OR51B5: variants seen among roughly 807,000 people sequenced by gnomAD.
The protein encoded by OR51B5 is olfactory receptor 51B5.
For synonymous variants in OR51B5, 186 were observed against 144.8 expected (o/e 1.28, Z -2.04); for missense variants, 456 against 374.6 (o/e 1.22, Z -1.79).
chr11:5,494,796 G>T (rs1851625225), intron 1 of OR51B5, among the ~76,000 whole-genome samples: 1 of 152,158 alleles, frequency 6.6e-6, no homozygotes, highest in South Asian at 2.1e-4. Flanking sequence ...GCACAGAGCA[G>T]ATGTTTATTA....
At chr11:5,476,983 A>G (rs961535815) in intron 1 of OR51B5, among the ~76,000 whole-genome samples, 1 of 152,222 alleles carries the variant, frequency 6.6e-6, no homozygotes, top group African/African-American at 2.4e-5. Flanking sequence ...CTAAAGATCT[A>G]CTGTACAAAA....
At chr11:5,347,578 G>T (rs991874371), upstream of OR51B5, among the ~76,000 whole-genome samples, 6 of 152,120 alleles carry the variant, frequency 3.9e-5, no homozygotes, top group African/African-American at 1.4e-4. Context: ...GAAATGCAAT[G>T]AGATAAAATA....
intron 1 of OR51B5, among the ~76,000 whole-genome samples, chr11:5,383,101 T>G (rs1849635087): frequency 6.6e-6 from 1 of 152,138 alleles, no homozygotes. Context: ...TATTTTTTTT[T>G]TTCTAAATGT....
chr11:5,411,288 T>C (rs760426468), intron 1 of OR51B5, among the ~76,000 whole-genome samples: 1 of 152,328 alleles, frequency 6.6e-6, no homozygotes, highest in African/African-American at 2.4e-5. Context: ...TGTGTTACAA[T>C]TGCTTACAGT....
At chr11:5,350,095 A>G (rs7114155) in intron 1 of OR51B5, among the ~76,000 whole-genome samples, 59,576 of 152,008 alleles carry the variant, frequency 0.39, 11,959 homozygotes, top group Non-Finnish European at 0.43. Flanking sequence ...GAAAGGAGGT[A>G]CTTCTCTGAA....
chr11:5,448,386 G>T (rs906311163), intron 1 of OR51B5, among the ~76,000 whole-genome samples: 1 of 152,104 alleles, frequency 6.6e-6, no homozygotes, highest in African/African-American at 2.4e-5. Flanking sequence ...AACATTTAAG[G>T]AGAGACTATT....
intron 1 of OR51B5, among the ~76,000 whole-genome samples, chr11:5,379,907 G>A (rs1033460616): frequency 3.3e-5 from 5 of 151,664 alleles, no homozygotes; most frequent in African/African-American, 9.7e-5. Context: ...GCCATGTTTG[G>A]AACCAGCATG....
intron 1 of OR51B5, among the ~76,000 whole-genome samples, chr11:5,379,291 TCA>T (rs1849575166): frequency 6.6e-6 from 1 of 151,884 alleles, no homozygotes; most frequent in Non-Finnish European, 1.5e-5. Flanking sequence ...AAGGGGAACA[TCA>T]CACTCTGGGG....
At chr11:5,436,555 A>G (rs1850599089) in intron 1 of OR51B5, among the ~76,000 whole-genome samples, 1 of 152,228 alleles carries the variant, frequency 6.6e-6, no homozygotes. Flanking sequence ...TGTGTCTTTC[A>G]CTGCTAAAGC....
chr11:5,473,789 T>A (rs74833203), intron 1 of OR51B5, among the ~76,000 whole-genome samples: 1 of 152,124 alleles, frequency 6.6e-6, no homozygotes, highest in African/African-American at 2.4e-5. Flanking sequence ...TAGAACTTCA[T>A]TGGAAATTTT....
rs533609650 is a variant in OR51B5 at position 5,439,070 on chromosome 11, C to T, written n.84+66499G>A. ...CTCTTGCCTAACCATCTCAGTATGA[C>T]AATCAACTGTTCTTTCTCTCTCTCT... On this transcript the variant is annotated intron_variant and non_coding_transcript_variant, in intron 1 of 4. Coordinates refer to the OR51B5 transcript ENST00000415970. Among the ~76,000 whole-genome samples the T allele has an allele frequency of 6.0e-4, 91 of 151,876 alleles. 3 individuals carry two copies. The South Asian group carries it at 0.018, about 30-fold the overall frequency.
At chr11:5,440,643 G>T in intron 1 of OR51B5, 1 of 1,613,854 alleles carries the variant, frequency 6.2e-7, no homozygotes, top group East Asian at 2.2e-5. Context: ...GTAGATGATA[G>T]GGTTGAGCAT....
In OR51B5 at chr11:5,465,247, A is replaced by T. The variant is rs898715474; in HGVS notation, n.84+40322T>A. ...AAAAAAAAAGTGTTCCTATTTCTCC[A>T]CATCCTCTCCAGCACCTGTTGTTTC... On this transcript the variant is annotated intron_variant and non_coding_transcript_variant, in intron 1 of 4. Coordinates refer to the OR51B5 transcript ENST00000415970. Among the ~76,000 whole-genome samples the T allele has an allele frequency of 6.3e-5, 9 of 142,704 alleles. No individual in the cohort carries two copies. In the South Asian group the frequency reaches 8.8e-4, roughly 14 times the overall value. 93.6% of individuals were successfully genotyped at this position (142,704 alleles called of 152,430 possible).
intron 1 of OR51B5, among the ~76,000 whole-genome samples, chr11:5,504,882 T>C (rs1442986849): frequency 6.6e-6 from 1 of 152,196 alleles, no homozygotes; most frequent in Non-Finnish European, 1.5e-5. Flanking sequence ...TACTCTTTAA[T>C]GAAGCTAGAG....
At chr11:5,397,409 T>C (rs1488020612) in intron 1 of OR51B5, among the ~76,000 whole-genome samples, 1 of 152,102 alleles carries the variant, frequency 6.6e-6, no homozygotes, top group Non-Finnish European at 1.5e-5. Context: ...CAGACACTTC[T>C]CAAAAGAAGA....
intron 1 of OR51B5, chr11:5,488,614 G>C: frequency 1.0e-6 from 1 of 981,974 alleles, no homozygotes; most frequent in Non-Finnish European, 1.5e-6. Context: ...TTCACAGAAA[G>C]ATCTTTGTTT....
At chr11:5,352,174 G>T (rs1456886518) in intron 1 of OR51B5, 1 of 1,614,170 alleles carries the variant, frequency 6.2e-7, no homozygotes, top group East Asian at 2.2e-5. Flanking sequence ...TCTCAAGACT[G>T]TCATGGGCAT....
chr11:5,354,137 T>C (rs529501649), intron 1 of OR51B5, among the ~76,000 whole-genome samples: 28 of 151,414 alleles, frequency 1.8e-4, no homozygotes, highest in Non-Finnish European at 2.7e-4. Flanking sequence ...GTGACCCATG[T>C]CTTTCTGTGT....
chr11:5,470,167 T>C (rs1483602354), intron 1 of OR51B5, among the ~76,000 whole-genome samples: 2 of 152,234 alleles, frequency 1.3e-5, no homozygotes, highest in Non-Finnish European at 2.9e-5. Flanking sequence ...CAATTAAATT[T>C]GACACTGTGC....
Sources: allele counts gnomAD v4.1 joint callset (sites outside exome capture counted in the v4.1 genomes callset), GRCh38; gene constraint gnomAD v4.1.1; transcripts MANE v1.5; gene names NCBI Gene and HGNC (gene_info 2026-07-23, HGNC 2026-07-21).